The following ENOPH1 variants were observed in gnomAD, a reference collection of about 807,000 sequenced individuals.
The protein encoded by ENOPH1 is enolase-phosphatase E1.
Under a neutral mutation model 31.1 loss-of-function variants are expected in ENOPH1, and 14 were observed. The ratio of observed to expected loss-of-function variants is 0.45; its 90% CI spans 0.30 to 0.70. ENOPH1 has a LOEUF of 0.70. Ranked by LOEUF, ENOPH1 falls within the 30% of genes least tolerant of loss-of-function variation. ENOPH1 has a pLI of 0.09. For synonymous variants in ENOPH1, 127 were observed against 123.2 expected, an observed-to-expected ratio of 1.03 and a Z score of -0.21; for missense variants, 243 against 321.5, an observed-to-expected ratio of 0.76 and a Z score of 1.87.
intron 3 of ENOPH1, among the ~76,000 whole-genome samples, chr4:82,451,798 A>G (rs1335956032): frequency 2.6e-5 from 4 of 152,038 alleles, no homozygotes; most frequent in Admixed American, 2.6e-4. Context: ...GAAATTCTTG[A>G]TTGATTCAGA....
chr4:82,453,150 C>T (rs979498085), intron 3 of ENOPH1, among the ~76,000 whole-genome samples: 4 of 152,168 alleles, frequency 2.6e-5, no homozygotes, highest in Admixed American at 6.5e-5. Context: ...ATCCGCCCCC[C>T]CTTGGCCTCC....
rs372973859 is a variant in ENOPH1, at chr4:82,455,650, G to A, written c.522+796G>A. ...AAAAAAAAAAAATTAGCCGGACGTG[G>A]TGGCGGGCACCTGTAGTCCCAGCTA... is the stretch of plus-strand genomic sequence containing the variant. On this transcript the variant is annotated intron_variant, in intron 4 of 5. Transcript: ENST00000273920. Among the ~76,000 whole-genome samples, 4 of 151,976 alleles carry A rather than the reference G, an allele frequency of 2.6e-5. No homozygotes were observed. The South Asian group carries it at 8.3e-4, about 32-fold the overall frequency.
intron 5 of ENOPH1, among the ~76,000 whole-genome samples, chr4:82,458,850 T>G (rs1456938886): frequency 6.6e-6 from 1 of 152,156 alleles, no homozygotes; most frequent in African/African-American, 2.4e-5. Context: ...GAGGGGAGTC[T>G]TGAGTACTGT....
chr4:82,434,057 TC>T (rs2110036040), intron 1 of ENOPH1, among the ~76,000 whole-genome samples: 1 of 152,296 alleles, frequency 6.6e-6, no homozygotes, highest in Non-Finnish European at 1.5e-5. Flanking sequence ...GTATGTACTG[TC>T]TACACTTTAC....
chr4:82,447,849 T>C (rs550291050), intron 1 of ENOPH1, 71 bp from the exon 2 acceptor site: 11 of 869,392 alleles, frequency 1.3e-5, no homozygotes, highest in African/African-American at 1.2e-4. Flanking sequence ...GTAGGTAAGA[T>C]TGTGGAAGAA....
At chr4:82,456,831 G>A in intron 4 of ENOPH1, 84 bp from the exon 5 acceptor site, 1 of 1,508,750 alleles carries the variant, frequency 6.6e-7, no homozygotes, top group Non-Finnish European at 9.0e-7. Flanking sequence ...TGAAGTAATT[G>A]TGATTGTCAT....
chr4:82,449,913 C>G (rs960715952), intron 2 of ENOPH1, among the ~76,000 whole-genome samples: 4 of 152,194 alleles, frequency 2.6e-5, no homozygotes, highest in Non-Finnish European at 5.9e-5. Context: ...CTTCTCCCCA[C>G]CAGTCATCAG....
chr4:82,438,051 TAAAAG>T (rs1203466530), intron 1 of ENOPH1, among the ~76,000 whole-genome samples: 1 of 152,186 alleles, frequency 6.6e-6, no homozygotes, highest in Non-Finnish European at 1.5e-5. Context: ...TTAAATGTCA[TAAAAG>T]AGAAAATTTT....
chr4:82,441,651 A>AATAAG (rs1242466196), intron 1 of ENOPH1, among the ~76,000 whole-genome samples: 1 of 152,096 alleles, frequency 6.6e-6, no homozygotes, highest in Non-Finnish European at 1.5e-5. Context: ...AATAAAATAA[A>AATAAG]GTAAAAACCA....
At chr4:82,445,795 AG>A (rs1481883371) in intron 1 of ENOPH1, among the ~76,000 whole-genome samples, 3 of 152,198 alleles carry the variant, frequency 2.0e-5, no homozygotes, top group African/African-American at 7.2e-5. Flanking sequence ...CTCATTGTCT[AG>A]CTTTTGTGAT....
At chr4:82,447,225 A>G (rs1036909039) in intron 1 of ENOPH1, among the ~76,000 whole-genome samples, 6 of 152,142 alleles carry the variant, frequency 3.9e-5, no homozygotes, top group African/African-American at 1.4e-4. Context: ...ACCTCAGGTG[A>G]TCTGCCTGCC....
At position 82,448,065 on chromosome 4, in the gene ENOPH1, A is replaced by G. The variant is rs769506666; in HGVS notation, c.186+44A>G. The G allele has an allele frequency of 5.1e-6, 7 of 1,366,912 alleles. No homozygotes were observed. In the East Asian group the frequency reaches 1.6e-4, roughly 31 times the overall value. 84.7% of individuals were successfully genotyped at this position (1,366,912 alleles called of 1,614,324 possible). On this transcript the variant is annotated intron_variant, in intron 2 of 5. Transcript: ENST00000273920. ...TAAATTCCCAAGTGTCTTAGAAATG[A>G]GGGTACCTGGAGATTTAGGACATGC...
chr4:82,451,295 T>C (rs376444135), intron 3 of ENOPH1, 50 bp downstream of exon 3: 10 of 1,570,434 alleles, frequency 6.4e-6, no homozygotes, highest in Non-Finnish European at 8.7e-6. Context: ...AATCCAAATA[T>C]GTTTTTTCAC....
chr4:82,460,298 G>T lies in ENOPH1; in HGVS notation c.*178G>T. On this transcript the variant is annotated 3_prime_UTR_variant, in exon 6 of 6. Transcript: ENST00000273920. ...AGGTACATAAGTGAAAGAAGTCTCA[G>T]TTCAGTGAACACAAAACTTATTTAA... 1 of 538,698 alleles carries T rather than the reference G, an allele frequency of 1.9e-6. No individual in the cohort carries two copies. The highest frequency in any genetic ancestry group is 3.1e-6 in the Non-Finnish European group (1 of 318,530). The allele number at this position is 538,698 out of a possible 1,614,324, so 33.4% of individuals were successfully genotyped here.
intron 1 of ENOPH1, among the ~76,000 whole-genome samples, chr4:82,442,973 A>G (rs965372314): frequency 6.6e-6 from 1 of 152,082 alleles, no homozygotes; most frequent in African/African-American, 2.4e-5. Flanking sequence ...ACACCTGGCT[A>G]AGTTTTTGTT....
intron 1 of ENOPH1, among the ~76,000 whole-genome samples, chr4:82,444,063 CA>C (rs1236941752): frequency 6.6e-6 from 1 of 152,090 alleles, no homozygotes; most frequent in Non-Finnish European, 1.5e-5. Flanking sequence ...TTAGTAGAAA[CA>C]GGGTTTCGCC....
intron 4 of ENOPH1, among the ~76,000 whole-genome samples, chr4:82,455,275 G>A (rs1722454995): frequency 6.6e-6 from 1 of 152,186 alleles, no homozygotes; most frequent in Non-Finnish European, 1.5e-5. Context: ...TCATGTACAT[G>A]AGAAAATTCT....
At chr4:82,443,256 G>A (rs1722087711) in intron 1 of ENOPH1, among the ~76,000 whole-genome samples, 2 of 151,854 alleles carry the variant, frequency 1.3e-5, no homozygotes, top group Admixed American at 1.3e-4. Flanking sequence ...GGCTAACATG[G>A]CGAAACCCCA....
chr4:82,437,735 C>T (rs1721944113), intron 1 of ENOPH1, among the ~76,000 whole-genome samples: 1 of 152,108 alleles, frequency 6.6e-6, no homozygotes, highest in Non-Finnish European at 1.5e-5. Context: ...TGTGTGTCCT[C>T]TTTTTCAAGC....
Sources: allele counts gnomAD v4.1 joint callset (sites outside exome capture counted in the v4.1 genomes callset), GRCh38; gene constraint gnomAD v4.1.1; transcripts MANE v1.5; gene names NCBI Gene and HGNC (gene_info 2026-07-23, HGNC 2026-07-21).